NIM1K: variants seen among roughly 807,000 people sequenced by gnomAD.
NIM1K encodes the protein NIM1 serine/threonine protein kinase.
Under a neutral mutation model 37.1 loss-of-function variants are expected in NIM1K, and 35 were observed. That is an observed-to-expected ratio of 0.94 (90% CI 0.72 to 1.25). The LOEUF is 1.25. Among genes scored for constraint, NIM1K ranks in the 50% most tolerant of loss-of-function variants. The probability of loss-of-function intolerance (pLI) is 0.00; values close to 1 mark genes in which losing one functional copy is unlikely to be tolerated. For missense variants in NIM1K, 564 were observed against 548.0 expected, an observed-to-expected ratio of 1.03 and a Z score of -0.29; for synonymous variants, 234 against 206.6, an observed-to-expected ratio of 1.13 and a Z score of -1.14.
intron 1 of NIM1K, among the ~76,000 whole-genome samples, chr5:43,238,446 C>CCTTA (rs1752652461): frequency 6.6e-6 from 1 of 151,704 alleles, no homozygotes; most frequent in Admixed American, 6.6e-5. Context: ...GGATCCAATA[C>CCTTA]CTTATCTTTT....
chr5:43,224,405 C>T (rs560689862), intron 1 of NIM1K, among the ~76,000 whole-genome samples: 1 of 140,404 alleles, frequency 7.1e-6, no homozygotes, highest in African/African-American at 2.6e-5. Context: ...TGTGCCATTG[C>T]ACTCCAGCCT....
At chr5:43,246,952 G>A (rs573840534) in intron 2 of NIM1K, among the ~76,000 whole-genome samples, 33 of 152,172 alleles carry the variant, frequency 2.2e-4, no homozygotes, top group South Asian at 4.2e-4. Context: ...GGACTCTACC[G>A]TCTCCCTAGA....
intron 1 of NIM1K, chr5:43,232,385 G>T (rs1752552337): frequency 7.1e-7 from 1 of 1,404,546 alleles, no homozygotes; most frequent in Non-Finnish European, 1.0e-6. Context: ...GTGGATGGGG[G>T]GATAGGCCAC....
intron 1 of NIM1K, among the ~76,000 whole-genome samples, chr5:43,197,555 C>T (rs1751937269): frequency 6.6e-6 from 1 of 152,112 alleles, no homozygotes; most frequent in Non-Finnish European, 1.5e-5. Flanking sequence ...CCAAATACTC[C>T]CTCAGATGTA....
At chr5:43,265,044 C>A (rs762862692) in intron 2 of NIM1K, among the ~76,000 whole-genome samples, 2 of 152,200 alleles carry the variant, frequency 1.3e-5, no homozygotes, top group Non-Finnish European at 2.9e-5. Context: ...CTCTGGCTGC[C>A]CTTAACATTT....
At chr5:43,222,902 A>G (rs1752401869) in intron 1 of NIM1K, among the ~76,000 whole-genome samples, 1 of 152,114 alleles carries the variant, frequency 6.6e-6, no homozygotes, top group Non-Finnish European at 1.5e-5. Context: ...GAACTTTCGG[A>G]GGCCGAGGTG....
intron 1 of NIM1K, among the ~76,000 whole-genome samples, chr5:43,215,982 C>T (rs1210346230): frequency 6.6e-6 from 1 of 151,368 alleles, no homozygotes; most frequent in South Asian, 2.1e-4. Flanking sequence ...CCAGGAAATA[C>T]ATCACTGGGG....
intron 1 of NIM1K, among the ~76,000 whole-genome samples, chr5:43,240,647 G>A (rs1752687151): frequency 6.6e-6 from 1 of 151,088 alleles, no homozygotes; most frequent in Admixed American, 6.6e-5. Context: ...GGGCTCAAGC[G>A]ATTCTCCTGC....
intron 2 of NIM1K, among the ~76,000 whole-genome samples, chr5:43,263,256 G>C (rs1388212004): frequency 2.0e-5 from 3 of 152,058 alleles, no homozygotes; most frequent in Admixed American, 1.3e-4. Context: ...TTTTTGGTTG[G>C]TAGGCTATTA....
At chr5:43,217,045 A>G (rs1240164592) in intron 1 of NIM1K, among the ~76,000 whole-genome samples, 3 of 151,904 alleles carry the variant, frequency 2.0e-5, no homozygotes, top group Non-Finnish European at 4.4e-5. Context: ...ATATTCAGAG[A>G]GTTGTGCATA....
intron 2 of NIM1K, among the ~76,000 whole-genome samples, chr5:43,263,315 A>G (rs889981107): frequency 2.6e-5 from 4 of 152,142 alleles, no homozygotes; most frequent in East Asian, 1.9e-4. Context: ...CAGGGATTCA[A>G]CTTCTTCCTG....
intron 2 of NIM1K, among the ~76,000 whole-genome samples, chr5:43,272,210 T>A (rs925472710): frequency 7.9e-5 from 12 of 152,188 alleles, no homozygotes; most frequent in Admixed American, 6.5e-4. Context: ...TTCAGGTCTT[T>A]CCTACCTCAA....
At chr5:43,269,131 A>G (rs1449236480) in intron 2 of NIM1K, among the ~76,000 whole-genome samples, 1 of 149,906 alleles carries the variant, frequency 6.7e-6, no homozygotes, top group Non-Finnish European at 1.5e-5. Flanking sequence ...AGAGATGGTG[A>G]AACTCCATCT....
chr5:43,216,678 A>G (rs536719763), intron 1 of NIM1K, among the ~76,000 whole-genome samples: 6 of 152,308 alleles, frequency 3.9e-5, no homozygotes, highest in Non-Finnish European at 7.3e-5. Flanking sequence ...GCCTTCCCCG[A>G]TTGTATAAGT....
intron 3 of NIM1K, among the ~76,000 whole-genome samples, chr5:43,278,320 C>T (rs764172697): frequency 6.6e-6 from 1 of 152,180 alleles, no homozygotes; most frequent in Non-Finnish European, 1.5e-5. Context: ...AGTGGGATTA[C>T]AGGCGTGAGC....
At chr5:43,210,203 G>C (rs1752183801) in intron 1 of NIM1K, among the ~76,000 whole-genome samples, 1 of 151,198 alleles carries the variant, frequency 6.6e-6, no homozygotes, top group Admixed American at 6.6e-5. Flanking sequence ...GAGGGGAGGG[G>C]AGGAGAGGGG....
chr5:43,274,440 T>C (rs1753307517), intron 2 of NIM1K, among the ~76,000 whole-genome samples: 1 of 152,046 alleles, frequency 6.6e-6, no homozygotes, highest in Non-Finnish European at 1.5e-5. Context: ...CTACAGGAAA[T>C]CGAAGGGTGG....
intron 1 of NIM1K, among the ~76,000 whole-genome samples, chr5:43,200,086 T>C (rs1006605508): frequency 6.6e-6 from 1 of 152,094 alleles, no homozygotes; most frequent in African/African-American, 2.4e-5. Flanking sequence ...TTGGCCAGGC[T>C]GGTCTCGAAC....
rs551071243 is a variant in NIM1K, at chr5:43,216,410, A to C, written c.-695+23999A>C. Among the ~76,000 whole-genome samples, 6 of 152,352 alleles carry C rather than the reference A, an allele frequency of 3.9e-5. No homozygotes were observed. The South Asian group carries it at 1.2e-3, about 32-fold the overall frequency. ...AAGCTGCCTTTTTTCTCTGAGATGC[A>C]GGATGTGCATTTAAATATTAATCTC... On this transcript the variant is annotated intron_variant, in intron 1 of 3. Transcript: ENST00000326035.
Sources: gnomAD v4.1 joint callset for allele counts (sites outside exome capture counted in the v4.1 genomes callset) on GRCh38, gnomAD v4.1.1 for gene constraint, MANE v1.5 for transcripts, NCBI Gene and HGNC (gene_info 2026-07-23, HGNC 2026-07-21) for gene names.